ITPR1: variants seen among roughly 807,000 people sequenced by gnomAD.
ITPR1 encodes the protein inositol 1,4,5-trisphosphate receptor type 1, also known as inositol 1,4,5-trisphosphate-gated calcium channel ITPR1.
Under a neutral mutation model 318.4 loss-of-function variants are expected in ITPR1, and 96 were observed. The observed-to-expected ratio is 0.30, with a 90% CI of 0.26 to 0.36. ITPR1 has a LOEUF of 0.36. ITPR1 is among the 10% of genes least tolerant of loss of function. ITPR1 has a pLI of 1.00. For synonymous variants in ITPR1, 1,312 were observed against 1,289.9 expected (o/e 1.02, Z -0.37); for missense variants, 2,440 against 3,460.2 (o/e 0.71, Z 7.40).
chr3:4,648,669 G>A (rs1356142774), intron 10 of ITPR1, among the ~76,000 whole-genome samples: 2 of 152,134 alleles, frequency 1.3e-5, no homozygotes, highest in African/African-American at 4.8e-5. Flanking sequence ...AATTAGCCAG[G>A]CATGATGGCA....
Position 4,746,444 on chromosome 3 carries a change from T to C in ITPR1, c.5544+11090T>C, listed in dbSNP as rs534690146. ...CAGCGGGGCCATGAACTCAGATGCC[T>C]TTGCTTCATGTGGGACGTGCCCTCA... On this transcript the variant is annotated intron_variant, in intron 44 of 61. Transcript: ENST00000649015. 2.6e-5 allele frequency among the ~76,000 whole-genome samples: 4 copies of C among 152,316 alleles called. No homozygotes were observed. In the South Asian group the frequency reaches 6.2e-4, roughly 24 times the overall value.
Position 4,847,395 on chromosome 3 carries a change from C to CA in ITPR1, c.*1184dup, listed in dbSNP as rs3079679. On this transcript the variant is annotated 3_prime_UTR_variant, in exon 62 of 62. Coordinates refer to ENST00000649015, the MANE Select transcript of ITPR1 (RefSeq NM_001378452.1). ...CTCATTTTACAAGAGAATCTCTCTGCAAAAAAAAAAAAAACAGTTTAAAAA... is the reference window on the plus strand; with the variant it reads ...CTCATTTTACAAGAGAATCTCTCTGCAAAAAAAAAAAAAAACAGTTTAAAAA... 5,166 of 135,120 alleles carry CA rather than the reference C, an allele frequency of 0.038. 160 individuals are homozygous for CA. The highest frequency in any genetic ancestry group is 0.068 in the African/African-American group (2,519 of 36,970). 8.4% of individuals were successfully genotyped at this position (135,120 alleles called of 1,614,324 possible).
At chr3:4,603,812 G>A (rs11719669) in intron 4 of ITPR1, among the ~76,000 whole-genome samples, 11,588 of 152,202 alleles carry the variant, frequency 0.076, 514 homozygotes, top group Middle Eastern at 0.11. Flanking sequence ...GTACGAGTGC[G>A]TGTGTCTTTT....
intron 16 of ITPR1, 132 bp downstream of exon 16, chr3:4,663,338 G>T: frequency 1.4e-6 from 1 of 720,136 alleles, no homozygotes; most frequent in Non-Finnish European, 2.2e-6. Context: ...AGGAAATGGA[G>T]GTTGCAGTGA....
chr3:4,738,517 G>A lies in ITPR1; in HGVS notation c.5544+3163G>A, dbSNP rs140372654. Among the ~76,000 whole-genome samples the A allele has an allele frequency of 3.6e-3, 545 of 152,248 alleles. 6 individuals carry two copies. The highest frequency in any genetic ancestry group is 0.012 in the African/African-American group (514 of 41,540). ...CCCATTCGGTTCTGGGCTTGGCATCGGGATGACCAGGTGCACAAAGGCACC... is the reference window on the plus strand; with the variant it reads ...CCCATTCGGTTCTGGGCTTGGCATCAGGATGACCAGGTGCACAAAGGCACC... On this transcript the variant is annotated intron_variant, in intron 44 of 61. Coordinates refer to ENST00000649015, the MANE Select transcript of ITPR1 (RefSeq NM_001378452.1).
chr3:4,665,768 A>T (rs2093933277), intron 17 of ITPR1, among the ~76,000 whole-genome samples: 2 of 152,198 alleles, frequency 1.3e-5, no homozygotes, highest in Admixed American at 6.5e-5. Context: ...TTTACATATT[A>T]TACATAGTAT....
chr3:4,496,013 G>T (rs2080533235), intron 2 of ITPR1, among the ~76,000 whole-genome samples: 1 of 152,324 alleles, frequency 6.6e-6, no homozygotes, highest in African/African-American at 2.4e-5. Context: ...GGAGGTATTA[G>T]ATACTGTAAT....
intron 60 of ITPR1, among the ~76,000 whole-genome samples, chr3:4,828,044 A>T (rs1475822785): frequency 6.6e-6 from 1 of 152,088 alleles, no homozygotes; most frequent in African/African-American, 2.4e-5. Context: ...AGAGCTTTCC[A>T]GTATAAAAGC....
At chr3:4,678,198 A>G (rs2094222894) in intron 24 of ITPR1, among the ~76,000 whole-genome samples, 4 of 152,228 alleles carry the variant, frequency 2.6e-5, no homozygotes, top group African/African-American at 9.6e-5. Context: ...GACGATAAAG[A>G]CAGCTTAAGT....
At position 4,800,668 on chromosome 3, in the gene ITPR1, T is replaced by C. The variant is rs932161233; in HGVS notation, c.7107+68T>C. 33 of 1,497,694 alleles carry C rather than the reference T, an allele frequency of 2.2e-5. No individual in the cohort carries two copies. In the African/African-American group the frequency reaches 4.6e-4, roughly 21 times the overall value. 92.8% of individuals were successfully genotyped at this position (1,497,694 alleles called of 1,614,324 possible). On this transcript the variant is annotated intron_variant, in intron 54 of 61. Transcript: ENST00000649015. ...TAATAGGAATGCCTTGCACTCTGGTTTCTAGAATCCTGGCCTGTGCTTTCA... is the reference window on the plus strand; with the variant it reads ...TAATAGGAATGCCTTGCACTCTGGTCTCTAGAATCCTGGCCTGTGCTTTCA...
chr3:4,680,342 G>A (rs560951170), intron 24 of ITPR1, among the ~76,000 whole-genome samples: 2 of 152,230 alleles, frequency 1.3e-5, no homozygotes, highest in Admixed American at 6.5e-5. Flanking sequence ...TACACTAGAG[G>A]CTAAGGTGCT....
At chr3:4,725,796 C>A (rs901527696) in intron 41 of ITPR1, among the ~76,000 whole-genome samples, 2 of 152,098 alleles carry the variant, frequency 1.3e-5, no homozygotes, top group African/African-American at 4.8e-5. Flanking sequence ...AACTGAGCAT[C>A]CTCCAGGTGC....
At chr3:4,750,756 A>C (rs557049418) in intron 44 of ITPR1, 1 of 146,580 alleles carries the variant, frequency 6.8e-6, no homozygotes, top group East Asian at 2.0e-4. Flanking sequence ...TTTTTTTTTA[A>C]ATCTGTAAGC....
At chr3:4,789,290 G>A (rs889310747) in intron 52 of ITPR1, among the ~76,000 whole-genome samples, 10 of 152,160 alleles carry the variant, frequency 6.6e-5, no homozygotes, top group Admixed American at 4.6e-4. Flanking sequence ...TGGCCTCCAC[G>A]GTATGGACCT....
intron 55 of ITPR1, among the ~76,000 whole-genome samples, chr3:4,807,088 G>T (rs1378660806): frequency 2.1e-5 from 2 of 97,488 alleles, no homozygotes; most frequent in Non-Finnish European, 3.9e-5. Flanking sequence ...ACAAAGAGAG[G>T]GGGGCTTACA....
chr3:4,583,937 CT>C (rs1337533259), intron 4 of ITPR1, among the ~76,000 whole-genome samples: 3 of 152,146 alleles, frequency 2.0e-5, no homozygotes, highest in Non-Finnish European at 4.4e-5. Flanking sequence ...AAGATGCTGG[CT>C]TTTTTGCTTC....
At chr3:4,733,382 G>A (rs188705099) in intron 43 of ITPR1, among the ~76,000 whole-genome samples, 162 bp downstream of exon 43, 37 of 152,220 alleles carry the variant, frequency 2.4e-4, no homozygotes, top group African/African-American at 8.4e-4. Flanking sequence ...TCAAATTGAT[G>A]CCTAAACATA....
intron 60 of ITPR1, among the ~76,000 whole-genome samples, chr3:4,832,875 G>A (rs2050616951): frequency 6.6e-6 from 1 of 152,218 alleles, no homozygotes. Context: ...GAGGCGAGGG[G>A]CAGAGATGCC....
At chr3:4,532,121 T>G (rs1324213516) in intron 4 of ITPR1, among the ~76,000 whole-genome samples, 2 of 152,222 alleles carry the variant, frequency 1.3e-5, no homozygotes, top group Non-Finnish European at 2.9e-5. Context: ...TGGTTTTGAC[T>G]TAGCCCTTCC....
Sources: gnomAD v4.1 joint callset for allele counts (sites outside exome capture counted in the v4.1 genomes callset) on GRCh38, gnomAD v4.1.1 for gene constraint, MANE v1.5 for transcripts, NCBI Gene and HGNC (gene_info 2026-07-23, HGNC 2026-07-21) for gene names.